FBXL20: variants seen among roughly 807,000 people sequenced by gnomAD.
FBXL20 encodes F-box and leucine rich repeat protein 20, also known as F-box/LRR-repeat protein 20.
A neutral mutation model predicts 64.0 loss-of-function variants in FBXL20; 11 were observed. The observed-to-expected ratio is 0.17, with a 90% confidence interval of 0.11 to 0.28. FBXL20 has a LOEUF of 0.28. FBXL20 is among the 10% of genes least tolerant of loss of function. FBXL20 has a pLI of 1.00. For missense variants in FBXL20, 303 were observed against 526.2 expected, an observed-to-expected ratio of 0.58 and a Z score of 4.15; for synonymous variants, 184 against 189.0, an observed-to-expected ratio of 0.97 and a Z score of 0.22.
At chr17:39,301,482 C>G (rs1408794238) in intron 3 of FBXL20, among the ~76,000 whole-genome samples, 2 of 149,440 alleles carry the variant, frequency 1.3e-5, no homozygotes, top group African/African-American at 4.9e-5. Context: ...AATCCCAGCA[C>G]TTTAGGAGGC....
rs2046991968 is a variant in FBXL20 at position 39,286,784 on chromosome 17, G to A, written c.399-1211C>T. 4.6e-5 allele frequency among the ~76,000 whole-genome samples: 7 copies of A among 151,728 alleles called. No homozygotes were observed. In the South Asian group the frequency reaches 1.3e-3, roughly 27 times the overall value. On this transcript the variant is annotated intron_variant, in intron 6 of 14. Coordinates refer to ENST00000264658, the MANE Select transcript of FBXL20 (RefSeq NM_032875.3). ...TTGCACTCCAGCCTGGGCAACAAGA[G>A]TGAAACTCTGTCTCAAAAAAAAAAT...
At chr17:39,314,614 G>A (rs2047267237) in intron 2 of FBXL20, among the ~76,000 whole-genome samples, 1 of 151,898 alleles carries the variant, frequency 6.6e-6, no homozygotes, top group Admixed American at 6.6e-5. Context: ...ACCTGCCTCG[G>A]CCTCCCAAAG....
At chr17:39,295,631 T>C (rs1321928247) in intron 6 of FBXL20, among the ~76,000 whole-genome samples, 2 of 152,140 alleles carry the variant, frequency 1.3e-5, no homozygotes, top group Non-Finnish European at 2.9e-5. Flanking sequence ...ATGTAAAATA[T>C]TTACATGGCT....
rs748132849 is a variant in FBXL20, at chr17:39,258,989, T to C, written c.*2471A>G. 7 of 152,206 alleles carry C rather than the reference T, an allele frequency of 4.6e-5. No homozygotes were observed. Among genetic ancestry groups the C allele is most frequent in the Non-Finnish European group, 7.3e-5 (5 of 68,040 alleles). The allele number at this position is 152,206 out of a possible 1,614,324, so 9.4% of individuals were successfully genotyped here. On this transcript the variant is annotated 3_prime_UTR_variant, in exon 15 of 15. Coordinates refer to ENST00000264658, the MANE Select transcript of FBXL20 (RefSeq NM_032875.3). Reference sequence around the variant, plus strand: ...GGGGAAAGGGGAATGAATAAACAAGTAATCTGCGTTTTTAAAGCGGCACAA... The same window carrying C: ...GGGGAAAGGGGAATGAATAAACAAGCAATCTGCGTTTTTAAAGCGGCACAA...
chr17:39,379,089 G>C (rs2047998022), intron 1 of FBXL20, among the ~76,000 whole-genome samples: 1 of 150,326 alleles, frequency 6.7e-6, no homozygotes, highest in Non-Finnish European at 1.5e-5. Flanking sequence ...TAGCTGGGGT[G>C]GTGGCGCATG....
upstream of FBXL20, chr17:39,401,823 G>T: frequency 3.1e-6 from 2 of 639,496 alleles, no homozygotes; most frequent in Non-Finnish European, 4.1e-6. Context: ...AGCAGCCGGT[G>T]CGCGGCGGCG....
intron 3 of FBXL20, 141 bp from the exon 4 acceptor site, chr17:39,301,216 T>C (rs2047131596): frequency 1.5e-6 from 1 of 670,468 alleles, no homozygotes; most frequent in Non-Finnish European, 2.6e-6. Context: ...TACTCCCAAA[T>C]GATGTGTCTT....
At chr17:39,318,592 T>C (rs1215323008) in intron 2 of FBXL20, among the ~76,000 whole-genome samples, 1 of 151,888 alleles carries the variant, frequency 6.6e-6, no homozygotes, top group Admixed American at 6.6e-5. Flanking sequence ...AATACAACAT[T>C]AGCCAGGCTT....
At chr17:39,282,660 C>T in intron 8 of FBXL20, 69 bp downstream of exon 8, 1 of 1,594,636 alleles carries the variant, frequency 6.3e-7, no homozygotes, top group Non-Finnish European at 8.6e-7. Flanking sequence ...CATCTTGGGG[C>T]TGTCTATAAA....
chr17:39,331,076 C>T (rs566469455), intron 2 of FBXL20, among the ~76,000 whole-genome samples: 3 of 152,280 alleles, frequency 2.0e-5, no homozygotes, highest in South Asian at 4.1e-4. Flanking sequence ...TGGGACTACA[C>T]GCATGTGCCA....
chr17:39,392,311 G>A (rs1205686654), intron 1 of FBXL20, among the ~76,000 whole-genome samples: 3 of 151,574 alleles, frequency 2.0e-5, no homozygotes, highest in South Asian at 2.1e-4. Flanking sequence ...ATCATGGCAC[G>A]TGCCTGTAGT....
chr17:39,333,118 A>G (rs1162123690), intron 2 of FBXL20, among the ~76,000 whole-genome samples: 2 of 151,934 alleles, frequency 1.3e-5, no homozygotes, highest in Non-Finnish European at 2.9e-5. Flanking sequence ...TTTTAGAAGG[A>G]AAAAAATTCA....
chr17:39,398,151 A>T (rs2048205424), intron 1 of FBXL20, among the ~76,000 whole-genome samples: 1 of 149,050 alleles, frequency 6.7e-6, no homozygotes, highest in African/African-American at 2.5e-5. Flanking sequence ...GCATGGTGGC[A>T]GGCGCCTGTA....
At chr17:39,349,412 T>C (rs1008259813) in intron 1 of FBXL20, among the ~76,000 whole-genome samples, 10 of 148,506 alleles carry the variant, frequency 6.7e-5, no homozygotes, top group Non-Finnish European at 1.2e-4. Context: ...AGTGGTGTCA[T>C]GTCAGCACTC....
At position 39,254,692 on chromosome 17, in the gene FBXL20, T is replaced by G. The variant is rs538790317; in HGVS notation, c.*6768A>C. On this transcript the variant is annotated 3_prime_UTR_variant, in exon 15 of 15. Coordinates refer to ENST00000264658, the MANE Select transcript of FBXL20 (RefSeq NM_032875.3). ...CCCATGTGTGACACAGCCATCACTATGTATTCAAGACAGATGCTGTACCTG... is the reference window on the plus strand; with the variant it reads ...CCCATGTGTGACACAGCCATCACTAGGTATTCAAGACAGATGCTGTACCTG... 5 of 154,544 alleles carry G rather than the reference T, an allele frequency of 3.2e-5. No homozygotes were observed. Among genetic ancestry groups the G allele is most frequent in the Admixed American group, 6.5e-5 (1 of 15,290 alleles). 9.6% of individuals were successfully genotyped at this position (154,544 alleles called of 1,614,324 possible). A position where few individuals can be genotyped will look rare whatever the true frequency, so the allele number is the denominator to read the frequency against.
intron 1 of FBXL20, among the ~76,000 whole-genome samples, chr17:39,349,663 G>A (rs1330125528): frequency 2.6e-5 from 4 of 152,022 alleles, no homozygotes; most frequent in Admixed American, 1.3e-4. Context: ...AAGGCCAGGC[G>A]TAGTGGCTCA....
chr17:39,311,197 C>G (rs1485145789), intron 2 of FBXL20, among the ~76,000 whole-genome samples: 1 of 152,020 alleles, frequency 6.6e-6, no homozygotes, highest in South Asian at 2.1e-4. Flanking sequence ...AACCCCGTGT[C>G]ACAATATTAG....
At chr17:39,267,705 C>G in intron 12 of FBXL20, among the ~76,000 whole-genome samples, 1 of 152,148 alleles carries the variant, frequency 6.6e-6, no homozygotes, top group Non-Finnish European at 1.5e-5. Context: ...TCAAATTCTT[C>G]TCCAACTCTG....
intron 1 of FBXL20, among the ~76,000 whole-genome samples, chr17:39,394,278 C>CTTTTTTT (rs529406292): frequency 7.4e-6 from 1 of 134,294 alleles, no homozygotes; most frequent in African/African-American, 2.8e-5. Context: ...ATTACTGAAA[C>CTTTTTTT]TTTTTTTTTT....
Sources: gnomAD v4.1 joint callset for allele counts (sites outside exome capture counted in the v4.1 genomes callset) on GRCh38, gnomAD v4.1.1 for gene constraint, MANE v1.5 for transcripts, NCBI Gene and HGNC (gene_info 2026-07-23, HGNC 2026-07-21) for gene names.